Variants in ORC4 observed in about 807,000 individuals in gnomAD.
ORC4 encodes the protein origin recognition complex, subunit 4 homolog.
Under a neutral mutation model 63.9 loss-of-function variants are expected in ORC4, and 55 were observed. That is an observed-to-expected ratio of 0.86 (90% CI 0.69 to 1.08). ORC4 has a LOEUF of 1.08. Among genes scored for constraint, ORC4 ranks in the 50% least tolerant of loss-of-function variants. The probability of loss-of-function intolerance (pLI) is 0.00; values close to 1 mark genes in which losing one functional copy is unlikely to be tolerated. For missense variants in ORC4, 511 were observed against 504.4 expected (o/e 1.01, Z -0.13); for synonymous variants, 150 against 168.5 (o/e 0.89, Z 0.85).
chr2:147,969,606 T>A (rs973864663), intron 4 of ORC4, among the ~76,000 whole-genome samples: 1 of 151,844 alleles, frequency 6.6e-6, no homozygotes, highest in Admixed American at 6.6e-5. Flanking sequence ...ATTGGCCATA[T>A]GACAGAATGC....
At position 147,944,144 on chromosome 2, in the gene ORC4, C is replaced by A. The variant is rs141940137; in HGVS notation, c.763-622G>T. 4.6e-5 allele frequency among the ~76,000 whole-genome samples: 7 copies of A among 152,002 alleles called. No individual in the cohort carries two copies. In the East Asian group the frequency reaches 1.4e-3, roughly 29 times the overall value. ...TGTTATGAAGAAAAAAGAATTAAGA[C>A]GTTTATAGGAGTACATCTGGTAGAG... On this transcript the variant is annotated intron_variant, in intron 9 of 13. Transcript: ENST00000392857.
intron 1 of ORC4, among the ~76,000 whole-genome samples, chr2:148,018,180 A>G (rs1254609174): frequency 6.6e-6 from 1 of 152,256 alleles, no homozygotes; most frequent in African/African-American, 2.4e-5. Context: ...AATTCTAGAA[A>G]GAGGAAATTC....
At chr2:148,013,201 GGATA>G (rs1405037421) in intron 1 of ORC4, among the ~76,000 whole-genome samples, 1 of 152,014 alleles carries the variant, frequency 6.6e-6, no homozygotes, top group African/African-American at 2.4e-5. Context: ...ATCAATGGAT[GGATA>G]AAGAAATGTG....
intron 1 of ORC4, among the ~76,000 whole-genome samples, chr2:148,010,275 T>C (rs570837158): frequency 4.1e-4 from 63 of 151,948 alleles, no homozygotes; most frequent in African/African-American, 1.3e-3. Flanking sequence ...TAGTAATGCA[T>C]CTTAAAGAAC....
intron 1 of ORC4, among the ~76,000 whole-genome samples, chr2:147,998,108 T>A (rs1486829531): frequency 1.3e-5 from 2 of 152,132 alleles, no homozygotes; most frequent in Non-Finnish European, 2.9e-5. Flanking sequence ...ATACAAGTGG[T>A]CATATTAAGA....
intron 1 of ORC4, among the ~76,000 whole-genome samples, chr2:147,988,960 TA>T (rs1691398282): frequency 6.6e-6 from 1 of 152,194 alleles, no homozygotes; most frequent in South Asian, 2.1e-4. Flanking sequence ...TCTATACACT[TA>T]AAACATTTAT....
chr2:147,974,764 C>T (rs1690437595), intron 2 of ORC4, among the ~76,000 whole-genome samples: 1 of 149,066 alleles, frequency 6.7e-6, no homozygotes, highest in Admixed American at 6.7e-5. Context: ...ATGTGTATTC[C>T]TCTACCTAGA....
intron 1 of ORC4, among the ~76,000 whole-genome samples, chr2:147,992,917 C>A (rs1181033395): frequency 1.3e-5 from 2 of 152,154 alleles, no homozygotes; most frequent in African/African-American, 4.8e-5. Context: ...TCCCTGCCCT[C>A]ATCTTTCTGT....
chr2:147,949,685 C>T (rs1383652960), intron 8 of ORC4, among the ~76,000 whole-genome samples: 2 of 151,994 alleles, frequency 1.3e-5, no homozygotes, highest in Non-Finnish European at 2.9e-5. Flanking sequence ...CCTAAAAATA[C>T]ATTCTAAAAT....
At position 148,020,719 on chromosome 2, in the gene ORC4, C is replaced by T. The variant is rs538704187; in HGVS notation, c.-104G>A. 7.9e-5 allele frequency: 12 copies of T among 152,500 alleles called. No homozygotes were observed. The South Asian group carries it at 2.5e-3, about 31-fold the overall frequency. The allele number at this position is 152,500 out of a possible 1,614,324, so 9.4% of individuals were successfully genotyped here. A position where few individuals can be genotyped will look rare whatever the true frequency, so the allele number is the denominator to read the frequency against. On this transcript the variant is annotated 5_prime_UTR_variant, in exon 1 of 14. Transcript: ENST00000392857. The stretch of plus-strand genomic sequence containing the variant: ...CTCTGCTAGACTTCACCTGCCGCTG[C>T]GGACCGTACACAACCACTCCCGGCA...
At chr2:147,961,364 G>A (rs1020601822) in intron 4 of ORC4, among the ~76,000 whole-genome samples, 5 of 151,418 alleles carry the variant, frequency 3.3e-5, no homozygotes, top group Admixed American at 6.6e-5. Context: ...TTGAGCCCGC[G>A]AGGCAGAGGT....
intron 1 of ORC4, among the ~76,000 whole-genome samples, chr2:148,016,887 G>T (rs184400184): frequency 7.2e-5 from 11 of 152,244 alleles, no homozygotes; most frequent in African/African-American, 2.6e-4. Context: ...ACCAAAAACA[G>T]TGAAATGTTA....
In ORC4 at chr2:147,934,026, A is replaced by C. The variant is rs1687915362; in HGVS notation, c.*1484T>G. 1 of 152,174 alleles carries C rather than the reference A, an allele frequency of 6.6e-6. No homozygotes were observed. Among genetic ancestry groups the C allele is most frequent in the Non-Finnish European group, 1.5e-5 (1 of 68,032 alleles). 9.4% of individuals were successfully genotyped at this position (152,174 alleles called of 1,614,324 possible). A position where few individuals can be genotyped will look rare whatever the true frequency, so the allele number is the denominator to read the frequency against. ...ATTTCATTAAAACATTGTTCCTTAGAGCATACTTTAAAAACTATTTGGTAA... is the reference window on the plus strand; with the variant it reads ...ATTTCATTAAAACATTGTTCCTTAGCGCATACTTTAAAAACTATTTGGTAA... On this transcript the variant is annotated 3_prime_UTR_variant, in exon 14 of 14. Transcript: ENST00000392857.
In ORC4 at chr2:147,930,872, A is replaced by ACT. The variant is rs1553447932; in HGVS notation, c.*4637_*4638insAG. ...TTTAGCTATGTTTTTTTTTTTTTTT[A>ACT]TACTTTAAGTTTTAGGGTACATGTG... On this transcript the variant is annotated 3_prime_UTR_variant, in exon 14 of 14. Coordinates refer to ENST00000392857, the MANE Select transcript of ORC4 (RefSeq NM_181741.4). The ACT allele has an allele frequency of 2.5e-5, 3 of 118,882 alleles. No individual in the cohort carries two copies. Among genetic ancestry groups the ACT allele is most frequent in the African/African-American group, 1.0e-4 (3 of 29,360 alleles). The allele number at this position is 118,882 out of a possible 1,614,324, so 7.4% of individuals were successfully genotyped here.
In ORC4 at chr2:147,994,394, G is replaced by A. The variant is rs144721993; in HGVS notation, c.-17-18419C>T. Among the ~76,000 whole-genome samples, 45 of 152,280 alleles carry A rather than the reference G, an allele frequency of 3.0e-4. No homozygotes were observed. The East Asian group carries it at 8.1e-3, about 27-fold the overall frequency. On this transcript the variant is annotated intron_variant, in intron 1 of 13. Coordinates refer to ENST00000392857, the MANE Select transcript of ORC4 (RefSeq NM_181741.4). ...CAGAAAGACCCAGGAGAACCAACAC[G>A]ATACCGAAGGAGAACAAAGTTGGAG...
At chr2:147,995,683 C>T (rs1691920075) in intron 1 of ORC4, among the ~76,000 whole-genome samples, 1 of 152,048 alleles carries the variant, frequency 6.6e-6, no homozygotes, top group African/African-American at 2.4e-5. Flanking sequence ...GTAACACTCA[C>T]TGCGAAGGTC....
At position 147,934,568 on chromosome 2, in the gene ORC4, A is replaced by G. The variant is rs1687941887; in HGVS notation, c.*942T>C. 2 of 152,110 alleles carry G rather than the reference A, an allele frequency of 1.3e-5. No individual in the cohort carries two copies. The highest frequency in any genetic ancestry group is 4.8e-5 in the African/African-American group (2 of 41,428). The allele number at this position is 152,110 out of a possible 1,614,324, so 9.4% of individuals were successfully genotyped here. ...TGTCTTTGGGTGATTTCATCACTGT[A>G]TGAACATCACAGAGTATACTTACAC... is the stretch of plus-strand genomic sequence containing the variant. On this transcript the variant is annotated 3_prime_UTR_variant, in exon 14 of 14. Transcript: ENST00000392857.
chr2:147,966,980 G>C (rs1436414401), intron 4 of ORC4, among the ~76,000 whole-genome samples: 2 of 152,038 alleles, frequency 1.3e-5, no homozygotes, highest in Admixed American at 1.3e-4. Context: ...AATGCAAAAA[G>C]ATCATTCACC....
chr2:147,992,526 T>G (rs1558867550), intron 1 of ORC4, among the ~76,000 whole-genome samples: 1 of 152,180 alleles, frequency 6.6e-6, no homozygotes, highest in African/African-American at 2.4e-5. Context: ...CAAATTTTCC[T>G]TGAAAAGCCC....
Sources: allele counts gnomAD v4.1 joint callset (sites outside exome capture counted in the v4.1 genomes callset), GRCh38; gene constraint gnomAD v4.1.1; transcripts MANE v1.5; gene names NCBI Gene and HGNC (gene_info 2026-07-23, HGNC 2026-07-21).